The following ATXN3 variants were observed in gnomAD, a reference collection of about 807,000 sequenced individuals.
The protein encoded by ATXN3 is ataxin 3.
A neutral mutation model predicts 58.2 loss-of-function variants in ATXN3; 28 were observed. That is an observed-to-expected ratio of 0.48 (90% CI 0.36 to 0.66). The LOEUF (loss-of-function observed/expected upper bound fraction) is 0.66, where lower values mean the gene tolerates loss of function less well. Among genes scored for constraint, ATXN3 ranks in the 30% least tolerant of loss-of-function variants. ATXN3 has a pLI of 0.00. For missense variants in ATXN3, 321 were observed against 422.1 expected, an observed-to-expected ratio of 0.76 and a Z score of 2.10; for synonymous variants, 113 against 138.5, an observed-to-expected ratio of 0.82 and a Z score of 1.29.
chr14:92,087,370 G>A (rs982906079), intron 6 of ATXN3, among the ~76,000 whole-genome samples: 1 of 152,198 alleles, frequency 6.6e-6, no homozygotes, highest in Admixed American at 6.5e-5. Context: ...AGAATCACTT[G>A]AGCCCAGGAG....
chr14:92,068,099 G>A (rs185153209), intron 10 of ATXN3, among the ~76,000 whole-genome samples: 1 of 152,258 alleles, frequency 6.6e-6, no homozygotes, highest in Non-Finnish European at 1.5e-5. Flanking sequence ...CCATATAGGA[G>A]CCAGAGAGAT....
At chr14:92,100,815 T>C (rs1015777732) in intron 1 of ATXN3, among the ~76,000 whole-genome samples, 6 of 152,196 alleles carry the variant, frequency 3.9e-5, no homozygotes, top group Non-Finnish European at 8.8e-5. Context: ...ATGTTCACTG[T>C]GTGAAAATTC....
intron 1 of ATXN3, among the ~76,000 whole-genome samples, chr14:92,106,196 G>A (rs1303876296): frequency 1.3e-5 from 2 of 152,160 alleles, no homozygotes; most frequent in South Asian, 2.1e-4. Flanking sequence ...ATTGGGGAGG[G>A]GTGAAGGAAT....
At chr14:92,097,034 A>G in intron 1 of ATXN3, 196 bp from the exon 2 acceptor site, 1 of 494,024 alleles carries the variant, frequency 2.0e-6, no homozygotes, top group East Asian at 4.4e-5. Context: ...CAGCCTCCCG[A>G]GTAGCTGGTA....
chr14:92,094,437 A>G (rs935729867), intron 3 of ATXN3, among the ~76,000 whole-genome samples: 1 of 152,186 alleles, frequency 6.6e-6, no homozygotes, highest in Non-Finnish European at 1.5e-5. Flanking sequence ...CTAGTCTACT[A>G]TATACATCTG....
chr14:92,066,763 AAGCCTGGAT>A (rs1268236048), intron 10 of ATXN3, among the ~76,000 whole-genome samples: 1 of 141,482 alleles, frequency 7.1e-6, no homozygotes, highest in Non-Finnish European at 1.5e-5. Context: ...GCCCACCACC[AAGCCTGGAT>A]AATTTTTTTT....
At chr14:92,051,700 C>T (rs375466684), upstream of ATXN3, among the ~76,000 whole-genome samples, 296 of 26,296 alleles carry the variant, frequency 0.011, no homozygotes, top group Middle Eastern at 0.05. Flanking sequence ...TTTCTTTTTT[C>T]TTTTCTTCTT....
intron 10 of ATXN3, among the ~76,000 whole-genome samples, chr14:92,068,340 C>CTTTT (rs1233201621): frequency 6.6e-6 from 1 of 152,124 alleles, no homozygotes; most frequent in African/African-American, 2.4e-5. Context: ...CCAGTTTATT[C>CTTTT]TGTTTTGTTT....
At chr14:92,101,840 AGAGT>A (rs2066882214) in intron 1 of ATXN3, among the ~76,000 whole-genome samples, 1 of 151,798 alleles carries the variant, frequency 6.6e-6, no homozygotes, top group Admixed American at 6.6e-5. Flanking sequence ...CCTGGGTGAC[AGAGT>A]GAGACTCTGC....
At chr14:92,053,506 T>A (rs1426859518), upstream of ATXN3, among the ~76,000 whole-genome samples, 2 of 150,080 alleles carry the variant, frequency 1.3e-5, no homozygotes, top group African/African-American at 2.5e-5. Context: ...TTTTTTTTTT[T>A]AATTATTTGA....
At chr14:92,057,051 T>C (rs77262184), downstream of ATXN3, among the ~76,000 whole-genome samples, 2,865 of 152,292 alleles carry the variant, frequency 0.019, 54 homozygotes, top group South Asian at 0.08. Flanking sequence ...AGTTGACAAA[T>C]GCCATGGCAA....
rs66941473 is a variant in ATXN3, at chr14:92,066,601, GTT to G, written c.992-2189_992-2188del. On this transcript the variant is annotated intron_variant, in intron 10 of 10. Coordinates refer to ENST00000644486, the MANE Select transcript of ATXN3 (RefSeq NM_004993.6). ...ACTCTGGGTTTAGAGTTTTTTTCTT[GTT>G]TTTTTTTTTTTTTTTTTTTTTTGAG... is the stretch of plus-strand genomic sequence containing the variant. 1.7e-3 allele frequency among the ~76,000 whole-genome samples: 178 copies of G among 107,016 alleles called. 3 individuals carry two copies. The highest frequency in any genetic ancestry group is 2.0e-3 in the Non-Finnish European group (106 of 54,274). The allele number at this position is 107,016 out of a possible 152,430, so 70.2% of individuals were successfully genotyped here. A position where few individuals can be genotyped will look rare whatever the true frequency, so the allele number is the denominator to read the frequency against.
intron 10 of ATXN3, among the ~76,000 whole-genome samples, chr14:92,065,105 C>T (rs1405054634): frequency 2.0e-5 from 3 of 152,186 alleles, no homozygotes; most frequent in African/African-American, 7.2e-5. Context: ...TTTATATTCC[C>T]ACCCACCTAT....
chr14:92,074,745 A>ACAG (rs1312068607), intron 9 of ATXN3, among the ~76,000 whole-genome samples: 16 of 152,322 alleles, frequency 1.1e-4, no homozygotes, highest in African/African-American at 2.9e-4. Context: ...TGTTTGATAA[A>ACAG]TTATACCATA....
chr14:92,088,910 A>C (rs1443260500), intron 5 of ATXN3, 93 bp from the exon 6 acceptor site: 1 of 710,410 alleles, frequency 1.4e-6, no homozygotes, highest in Non-Finnish European at 2.5e-6. Flanking sequence ...ATCAAAGCTT[A>C]GTAAGATTGT....
intron 1 of ATXN3, among the ~76,000 whole-genome samples, chr14:92,105,661 G>A (rs1487519916): frequency 1.3e-5 from 2 of 152,136 alleles, no homozygotes; most frequent in Non-Finnish European, 2.9e-5. Flanking sequence ...CCTGGGGAAG[G>A]CTTCACTCAC....
intron 1 of ATXN3, 71 bp from the exon 2 acceptor site, chr14:92,096,909 A>ATT: frequency 7.7e-7 from 1 of 1,291,856 alleles, no homozygotes; most frequent in Non-Finnish European, 1.1e-6. Context: ...TCCCCTAAAT[A>ATT]ATTTTTTTTT....
At chr14:92,075,521 T>C (rs975789872) in intron 9 of ATXN3, among the ~76,000 whole-genome samples, 1 of 152,174 alleles carries the variant, frequency 6.6e-6, no homozygotes, top group Non-Finnish European at 1.5e-5. Context: ...ATTTATGCAA[T>C]TACTTTATGA....
chr14:92,071,218 ATATGGAAGTGCT>A (rs1328107754), intron 9 of ATXN3, 165 bp from the exon 10 acceptor site: 1 of 1,085,576 alleles, frequency 9.2e-7, no homozygotes, highest in East Asian at 2.6e-5. Context: ...TTACTTTAAA[ATATGGAAGTGCT>A]GATCTTAGGA....
Sources: allele counts gnomAD v4.1 joint callset (sites outside exome capture counted in the v4.1 genomes callset), GRCh38; gene constraint gnomAD v4.1.1; transcripts MANE v1.5; gene names NCBI Gene and HGNC (gene_info 2026-07-23, HGNC 2026-07-21).